The following ELANE variants were observed in gnomAD, a reference collection of about 807,000 sequenced individuals.
ELANE encodes neutrophil elastase.
A neutral mutation model predicts 20.6 loss-of-function variants in ELANE; 12 were observed. That is an observed-to-expected ratio of 0.58 (90% CI 0.37 to 0.94). ELANE has a LOEUF of 0.94. Among genes scored for constraint, ELANE ranks in the 40% least tolerant of loss-of-function variants. The pLI is 0.01. For synonymous variants in ELANE, 203 were observed against 177.4 expected (o/e 1.14, Z -1.15); for missense variants, 388 against 395.2 (o/e 0.98, Z 0.15).
At position 852,338 on chromosome 19, in the gene ELANE, G is replaced by A. The variant is rs773460580; in HGVS notation, c.10G>A (p.Gly4Ser). The A allele has an allele frequency of 1.2e-5, 19 of 1,609,924 alleles. No individual in the cohort carries two copies. In the Admixed American group the frequency reaches 2.0e-4, roughly 17 times the overall value. The change falls in exon 1 of 5, where the codon GGC becomes AGC. Residue 4 changes from glycine to serine, a missense_variant. Transcript: ENST00000263621. ...GAGCCCCAGCCCCACCATGACCCTC[G>A]GCCGCCGACTCGCGTGTCTTTTCCT... MTLGRRLACLFLAC... is the reference protein window; with the variant it reads MTLSRRLACLFLAC...
In ELANE at chr19:855,602, G is replaced by T; in HGVS notation, c.405G>T (p.Val135=). 6.2e-7 allele frequency: 1 copy of T among 1,601,436 alleles called. No individual in the cohort carries two copies. Among genetic ancestry groups the T allele is most frequent in the African/African-American group, 1.3e-5 (1 of 75,052 alleles). ...CCACCATCAACGCCAACGTGCAGGT[G>T]GCCCAGCTGCCGGCTCAGGGACGCC... is the stretch of plus-strand genomic sequence containing the variant. ...GSATINANVQ[V]AQLPAQGRRL... The change falls in exon 4 of 5, where the codon GTG becomes GTT. Residue 135 remains valine, a synonymous_variant. Transcript: ENST00000263621. This position sits in a 1 kb window ranked among gnomAD's most constrained non-coding sequence, Gnocchi z 6.2.
At chr19:853,198 C>T in intron 2 of ELANE, 64 bp from the exon 3 acceptor site, 2 of 1,521,714 alleles carry the variant, frequency 1.3e-6, no homozygotes, top group Non-Finnish European at 1.8e-6. Context: ...ATGGGGACGA[C>T]AAGGCGCGGC....
chr19:853,246 T>A lies in ELANE; in HGVS notation c.225-16T>A. 1.9e-6 allele frequency: 3 copies of A among 1,580,898 alleles called. No homozygotes were observed. Among genetic ancestry groups the A allele is most frequent in the Non-Finnish European group, 2.6e-6 (3 of 1,164,478 alleles). ...CCCGGGGCCGCCCCTGAGCCCCGCC[T>A]CTCCCTCCCCGGCAGAAACGTCCGC... On this transcript the variant is annotated splice_polypyrimidine_tract_variant and intron_variant, in intron 2 of 4. Coordinates refer to ENST00000263621, the MANE Select transcript of ELANE (RefSeq NM_001972.4).
Position 855,818 on chromosome 19 carries a change from G to A in ELANE, c.597+24G>A. On this transcript the variant is annotated intron_variant, in intron 4 of 4. Transcript: ENST00000263621. This position sits in a 1 kb window ranked among gnomAD's most constrained non-coding sequence, Gnocchi z 6.2. ...TCGTACGTGCCCTGGGTGTCCCTCT[G>A]CTCCCCACCCGCTCCCAGCCCGGAC... The A allele has an allele frequency of 6.2e-7, 1 of 1,607,258 alleles. No individual in the cohort carries two copies. Among genetic ancestry groups the A allele is most frequent in the Non-Finnish European group, 8.5e-7 (1 of 1,179,570 alleles).
chr19:853,512 C>A, intron 3 of ELANE, 109 bp downstream of exon 3: 1 of 1,342,010 alleles, frequency 7.5e-7, no homozygotes. Context: ...CCTGGGGTGG[C>A]ATCGTGGGCT....
chr19:852,822 G>A, intron 1 of ELANE, 54 bp from the exon 2 acceptor site: 3 of 1,572,026 alleles, frequency 1.9e-6, no homozygotes, highest in Non-Finnish European at 2.6e-6. Flanking sequence ...CCGTGGCCGG[G>A]AGGGGACAGG....
At position 855,939 on chromosome 19, in the gene ELANE, AC is replaced by A. The variant is rs2035673087; in HGVS notation, c.598-17del. 2 of 1,612,702 alleles carry A rather than the reference AC, an allele frequency of 1.2e-6. No homozygotes were observed. Among genetic ancestry groups the A allele is most frequent in the African/African-American group, 2.7e-5 (2 of 75,028 alleles). ...CAGGGCCTCGCAGTCCAGCTTCCCC[AC>A]CTTGTCTGCCTCCACAGGGGGACTC... On this transcript the variant is annotated intron_variant, in intron 4 of 4. Coordinates refer to ENST00000263621, the MANE Select transcript of ELANE (RefSeq NM_001972.4). This position sits in a 1 kb window ranked among gnomAD's most constrained non-coding sequence, Gnocchi z 6.2.
chr19:856,111 G>T lies in ELANE; in HGVS notation c.751G>T (p.Asp251Tyr). Residue 251 changes from aspartate to tyrosine, a missense_variant, in exon 5 of 5, where the codon GAC (aspartate) becomes TAC (tyrosine). Transcript: ENST00000263621. ...CGACTCTATCATCCAACGCTCCGAG[G>T]ACAACCCCTGTCCCCACCCCCGGGA... ...WIDSIIQRSEDNPCPHPRDPD... is the reference protein window; with the variant it reads ...WIDSIIQRSEYNPCPHPRDPD... 5.0e-6 allele frequency: 8 copies of T among 1,613,066 alleles called. No homozygotes were observed. Among genetic ancestry groups the T allele is most frequent in the Non-Finnish European group, 6.8e-6 (8 of 1,180,022 alleles).
intron 3 of ELANE, 128 bp downstream of exon 3, chr19:853,531 C>A: frequency 9.0e-7 from 1 of 1,112,394 alleles, no homozygotes; most frequent in Non-Finnish European, 1.3e-6. Context: ...CTGGGTGGTC[C>A]CCTCTCCGCG....
In ELANE at chr19:853,243, G is replaced by T. The variant is rs940366307; in HGVS notation, c.225-19G>T. 6.3e-7 allele frequency: 1 copy of T among 1,575,052 alleles called. No individual in the cohort carries two copies. ...ACCCCCGGGGCCGCCCCTGAGCCCC[G>T]CCTCTCCCTCCCCGGCAGAAACGTC... On this transcript the variant is annotated intron_variant, in intron 2 of 4. Transcript: ENST00000263621.
At position 855,721 on chromosome 19, in the gene ELANE, C is replaced by T. The variant is rs193141883; in HGVS notation, c.524C>T (p.Thr175Met). 205 of 1,609,926 alleles carry T rather than the reference C, an allele frequency of 1.3e-4. No homozygotes were observed. In the Admixed American group the frequency reaches 1.5e-3, roughly 12 times the overall value. ...IASVLQELNVTVVTSLCRRSN... is the reference protein window; with the variant it reads ...IASVLQELNVMVVTSLCRRSN... ...AGCGTCCTGCAGGAGCTCAACGTGA[C>T]GGTGGTGACGTCCCTCTGCCGTCGC... is the stretch of plus-strand genomic sequence containing the variant. The change falls in exon 4 of 5, where the codon ACG (threonine) becomes ATG (methionine). Residue 175 changes from threonine to methionine, a missense_variant. Physicochemically the swap from Thr to Met is moderately conservative, Grantham distance 81 (BLOSUM62 -1). Around this residue, in one of 3 missense-constraint regions of ELANE, gnomAD observed 321 missense variants for 309.8 expected, o/e 1.04. Transcript: ENST00000263621. The surrounding 1 kb of genome is among the most constrained non-coding windows in gnomAD (Gnocchi z 6.2).
Position 853,317 on chromosome 19 carries a change from C to A in ELANE, c.280C>A (p.Pro94Thr), listed in dbSNP as rs1181023169. ...AGCCCATAACCTCTCGCGGCGGGAG[C>A]CCACCCGGCAGGTGTTCGCCGTGCA... ...LGAHNLSRRE[P>T]TRQVFAVQRI... The change falls in exon 3 of 5, where the codon CCC (proline) becomes ACC (threonine). Residue 94 changes from proline to threonine, a missense_variant. Coordinates refer to ENST00000263621, the MANE Select transcript of ELANE (RefSeq NM_001972.4). 1.2e-6 allele frequency: 2 copies of A among 1,610,696 alleles called. No homozygotes were observed. The highest frequency in any genetic ancestry group is 1.7e-6 in the Non-Finnish European group (2 of 1,178,978).
chr19:852,730 C>A (rs556564368), intron 1 of ELANE, 146 bp from the exon 2 acceptor site: 1 of 1,266,450 alleles, frequency 7.9e-7, no homozygotes, highest in South Asian at 1.5e-5. Flanking sequence ...CGAACGGCCC[C>A]GATCCCGTGG....
intron 1 of ELANE, 102 bp from the exon 2 acceptor site, chr19:852,774 G>T: frequency 1.4e-6 from 2 of 1,465,174 alleles, no homozygotes; most frequent in Non-Finnish European, 1.8e-6. Context: ...GTTCCCGGTG[G>T]GGGATCCCGT....
chr19:856,098 C>G lies in ELANE; in HGVS notation c.738C>G (p.Ile246Met). ...TTGTAAACTGGATCGACTCTATCAT[C>G]CAACGCTCCGAGGACAACCCCTGTC... The part of the protein sequence containing the change: ...AQFVNWIDSI[I>M]QRSEDNPCPH... Residue 246 changes from isoleucine to methionine, a missense_variant, in exon 5 of 5, where the codon ATC becomes ATG. Coordinates refer to ENST00000263621, the MANE Select transcript of ELANE (RefSeq NM_001972.4). 1 of 1,613,310 alleles carries G rather than the reference C, an allele frequency of 6.2e-7. No homozygotes were observed. Among genetic ancestry groups the G allele is most frequent in the Non-Finnish European group, 8.5e-7 (1 of 1,180,026 alleles).
At position 854,163 on chromosome 19, in the gene ELANE, G is replaced by A. The variant is rs907218624; in HGVS notation, c.366+760G>A. 1.7e-4 allele frequency among the ~76,000 whole-genome samples: 26 copies of A among 152,270 alleles called. 1 individual carries two copies. The highest frequency in any genetic ancestry group is 1.6e-3 in the Admixed American group (24 of 15,276). ...TTGCAGTTCTGGTTATTTCCTGGGC[G>A]CCGGGCCCCGTGGCTCAGGCCTGTC... On this transcript the variant is annotated intron_variant, in intron 3 of 4. Transcript: ENST00000263621.
At chr19:854,078 G>A (rs529289693) in intron 3 of ELANE, among the ~76,000 whole-genome samples, 72 of 152,338 alleles carry the variant, frequency 4.7e-4, no homozygotes, top group African/African-American at 1.7e-3. Flanking sequence ...CAGGGCAGGG[G>A]CCGCCTCTGT....
Position 852,878 on chromosome 19 carries a change from A to C in ELANE, c.70A>C (p.Thr24Pro), listed in dbSNP as rs367677280. ...ACCCGCACCCGGTGTGTCCCCAGGC[A>C]CCGCGCTGGCCTCGGAGATTGTGGG... Reference protein sequence around the residue: ...CVLPALLLGGTALASEIVGGR... With the variant: ...CVLPALLLGGPALASEIVGGR... The change falls in exon 2 of 5, where the codon ACC becomes CCC. Residue 24 changes from threonine (T) to proline (P), a missense_variant and splice_region_variant. Thr to Pro is a conservative substitution (Grantham distance 38). Around this residue, in one of 3 missense-constraint regions of ELANE, gnomAD observed 58 missense variants for 56.7 expected, o/e 1.02. Coordinates refer to ENST00000263621, the MANE Select transcript of ELANE (RefSeq NM_001972.4). 5.0e-6 allele frequency: 8 copies of C among 1,594,682 alleles called. No homozygotes were observed. In the African/African-American group the frequency reaches 1.1e-4, roughly 21 times the overall value.
At chr19:853,481 C>T (rs2035629461) in intron 3 of ELANE, 78 bp downstream of exon 3, 9 of 1,505,202 alleles carry the variant, frequency 6.0e-6, no homozygotes, top group Non-Finnish European at 8.1e-6. Flanking sequence ...CGGAGGGGCG[C>T]GTCGGGGCCG....
Sources: gnomAD v4.1 joint callset for allele counts (sites outside exome capture counted in the v4.1 genomes callset) on GRCh38, gnomAD v4.1.1 for gene constraint, gnomAD v4.1.1 regional missense constraint, Gnocchi (gnomAD v3.1) non-coding constraint, MANE v1.5 for transcripts, NCBI Gene and HGNC (gene_info 2026-07-23, HGNC 2026-07-21) for gene names.